The following SOX6 variants were observed in gnomAD, a reference collection of about 807,000 sequenced individuals.
SOX6 encodes transcription factor SOX-6.
In SOX6, 11 loss-of-function variants were observed where a neutral mutation model predicts 97.8. That is an observed-to-expected ratio of 0.11 (90% CI 0.07 to 0.19). The LOEUF (loss-of-function observed/expected upper bound fraction) is 0.19. SOX6 is among the 10% of genes least tolerant of loss of function. SOX6 has a pLI of 1.00. For synonymous variants in SOX6, 360 were observed against 371.4 expected, an observed-to-expected ratio of 0.97 and a Z score of 0.35; for missense variants, 810 against 1,039.5, an observed-to-expected ratio of 0.78 and a Z score of 3.04.
chr11:16,418,616 G>A (rs892924909), intron 1 of SOX6, among the ~76,000 whole-genome samples: 2 of 151,912 alleles, frequency 1.3e-5, no homozygotes, highest in African/African-American at 4.8e-5. Flanking sequence ...GCATTCAATG[G>A]ACCAGCTATC....
intron 3 of SOX6, among the ~76,000 whole-genome samples, chr11:16,714,298 C>G (rs570523183): frequency 4.3e-4 from 66 of 152,000 alleles, no homozygotes; most frequent in Admixed American, 4.1e-3. Flanking sequence ...TTTCCAACTT[C>G]CCTAAAATTA....
chr11:16,091,743 T>C (rs978272483), intron 9 of SOX6, among the ~76,000 whole-genome samples: 1 of 151,994 alleles, frequency 6.6e-6, no homozygotes, highest in Non-Finnish European at 1.5e-5. Context: ...CTAACTATAT[T>C]CCTTTCCTCA....
At chr11:16,444,358 T>G (rs1565148123) in intron 1 of SOX6, among the ~76,000 whole-genome samples, 1 of 152,242 alleles carries the variant, frequency 6.6e-6, no homozygotes, top group Non-Finnish European at 1.5e-5. Flanking sequence ...ATTATCTCCC[T>G]TAGGTCCATT....
intron 4 of SOX6, among the ~76,000 whole-genome samples, chr11:16,223,608 T>G (rs1263790922): frequency 8.5e-5 from 13 of 152,076 alleles, no homozygotes; most frequent in African/African-American, 3.1e-4. Flanking sequence ...GAAACAAAAA[T>G]TGTTTGTATT....
intron 4 of SOX6, among the ~76,000 whole-genome samples, chr11:16,501,704 T>G (rs1010155037): frequency 6.6e-6 from 1 of 152,108 alleles, no homozygotes; most frequent in Admixed American, 6.5e-5. Context: ...AAAAGACACA[T>G]GAACAAATGC....
intron 1 of SOX6, among the ~76,000 whole-genome samples, chr11:16,389,620 A>G (rs1473275512): frequency 6.6e-6 from 1 of 151,892 alleles, no homozygotes; most frequent in African/African-American, 2.4e-5. Context: ...CATTGTGACC[A>G]CTATGCTGTG....
At chr11:16,078,321 A>G (rs951102372) in intron 9 of SOX6, among the ~76,000 whole-genome samples, 48 of 152,156 alleles carry the variant, frequency 3.2e-4, no homozygotes, top group Admixed American at 3.0e-3. Flanking sequence ...GACTCTTCTA[A>G]TAAGATATAA....
intron 13 of SOX6, among the ~76,000 whole-genome samples, chr11:16,009,761 T>A (rs1854655350): frequency 6.6e-6 from 1 of 152,042 alleles, no homozygotes; most frequent in South Asian, 2.1e-4. Flanking sequence ...AGCACTATAT[T>A]CTGGTAGGCT....
At chr11:16,517,433 T>A (rs1860991128) in intron 4 of SOX6, among the ~76,000 whole-genome samples, 1 of 152,156 alleles carries the variant, frequency 6.6e-6, no homozygotes, top group South Asian at 2.1e-4. Context: ...GAAAACCCCA[T>A]TGTGTCAGAG....
intron 7 of SOX6, among the ~76,000 whole-genome samples, 200 bp from the exon 8 acceptor site, chr11:16,097,888 C>A (rs1028157973): frequency 1.3e-5 from 2 of 151,806 alleles, no homozygotes; most frequent in African/African-American, 4.8e-5. Context: ...GGTAGGCAAA[C>A]TGGCAAAACA....
chr11:16,342,900 G>T (rs1856676037), intron 1 of SOX6, among the ~76,000 whole-genome samples: 1 of 151,728 alleles, frequency 6.6e-6, no homozygotes, highest in Non-Finnish European at 1.5e-5. Flanking sequence ...AACAAAAATT[G>T]TATCTATTAA....
intron 3 of SOX6, among the ~76,000 whole-genome samples, chr11:16,244,222 G>A (rs1306354756): frequency 6.6e-6 from 1 of 151,868 alleles, no homozygotes; most frequent in East Asian, 1.9e-4. Flanking sequence ...AGGATAAGAA[G>A]TGGTATTTTA....
chr11:16,080,939 A>T (rs1480161524), intron 9 of SOX6, among the ~76,000 whole-genome samples: 1 of 152,080 alleles, frequency 6.6e-6, no homozygotes, highest in Non-Finnish European at 1.5e-5. Context: ...TTTTAAAAAA[A>T]TTAGTCAGGC....
At chr11:16,216,270 G>A (rs1257867734) in intron 4 of SOX6, among the ~76,000 whole-genome samples, 2 of 152,124 alleles carry the variant, frequency 1.3e-5, no homozygotes, top group African/African-American at 4.8e-5. Context: ...TGTCTGAATG[G>A]TAGAAAATAT....
chr11:16,457,468 T>C (rs915957882), intron 1 of SOX6, among the ~76,000 whole-genome samples: 6 of 152,176 alleles, frequency 3.9e-5, no homozygotes, highest in Admixed American at 3.3e-4. Flanking sequence ...AAGAAACTAA[T>C]AGTTAATGGG....
intron 4 of SOX6, among the ~76,000 whole-genome samples, chr11:16,538,772 T>A (rs770780084): frequency 1.3e-5 from 2 of 152,168 alleles, no homozygotes; most frequent in Admixed American, 1.3e-4. Context: ...CAAGAAGAGC[T>A]AACTATCCTA....
At chr11:16,513,597 C>A (rs1235186170) in intron 4 of SOX6, among the ~76,000 whole-genome samples, 1 of 152,212 alleles carries the variant, frequency 6.6e-6, no homozygotes, top group African/African-American at 2.4e-5. Flanking sequence ...GGTGCCACTG[C>A]ACTCCAGCCT....
chr11:16,383,228 T>A (rs1305055920), intron 1 of SOX6, among the ~76,000 whole-genome samples: 3 of 151,942 alleles, frequency 2.0e-5, no homozygotes, highest in African/African-American at 7.2e-5. Flanking sequence ...TCCACACTTA[T>A]GTCACTACAT....
intron 12 of SOX6, among the ~76,000 whole-genome samples, chr11:16,037,734 A>G (rs1855555150): frequency 1.3e-5 from 2 of 152,192 alleles, no homozygotes; most frequent in Admixed American, 6.5e-5. Flanking sequence ...ACTCTTGCAC[A>G]TCTCTCTAAA....
Sources: gnomAD v4.1 joint callset for allele counts (sites outside exome capture counted in the v4.1 genomes callset) on GRCh38, gnomAD v4.1.1 for gene constraint, MANE v1.5 for transcripts, NCBI Gene and HGNC (gene_info 2026-07-23, HGNC 2026-07-21) for gene names.